SCFD2: variants seen among roughly 807,000 people sequenced by gnomAD.
The protein encoded by SCFD2 is sec1 family domain containing 2, also known as sec1 family domain-containing protein 2.
A neutral mutation model predicts 58.9 loss-of-function variants in SCFD2; 54 were observed. That is an observed-to-expected ratio of 0.92 (90% CI 0.74 to 1.15). The LOEUF is 1.15. Ranked by LOEUF, SCFD2 falls within the 50% of genes most tolerant of loss-of-function variation. The probability of loss-of-function intolerance (pLI) is 0.00; values close to 1 mark genes in which losing one functional copy is unlikely to be tolerated. For synonymous variants in SCFD2, 321 were observed against 335.9 expected, an observed-to-expected ratio of 0.96 and a Z score of 0.49; for missense variants, 805 against 836.6, an observed-to-expected ratio of 0.96 and a Z score of 0.47.
intron 5 of SCFD2, among the ~76,000 whole-genome samples, chr4:52,938,636 C>A (rs1230368980): frequency 6.6e-6 from 1 of 152,074 alleles, no homozygotes; most frequent in Non-Finnish European, 1.5e-5. Context: ...AACTCAAGTG[C>A]CCTATAGCTA....
intron 7 of SCFD2, among the ~76,000 whole-genome samples, chr4:52,886,394 C>T (rs944586229): frequency 1.3e-5 from 2 of 152,226 alleles, no homozygotes; most frequent in African/African-American, 4.8e-5. Flanking sequence ...CTTCTCCACG[C>T]TCCTCACTTT....
intron 5 of SCFD2, among the ~76,000 whole-genome samples, chr4:52,929,527 AG>A (rs1719941033): frequency 6.6e-6 from 1 of 152,174 alleles, no homozygotes; most frequent in Non-Finnish European, 1.5e-5. Flanking sequence ...CATGGTTGCA[AG>A]TGGCTGCCCA....
At chr4:53,309,302 C>T (rs951560636) in intron 3 of SCFD2, among the ~76,000 whole-genome samples, 2 of 152,106 alleles carry the variant, frequency 1.3e-5, no homozygotes, top group African/African-American at 4.8e-5. Context: ...CTTGTCTTTT[C>T]CCAAATGGTT....
chr4:53,094,846 A>G (rs1724572385), intron 5 of SCFD2, among the ~76,000 whole-genome samples: 1 of 151,826 alleles, frequency 6.6e-6, no homozygotes, highest in Admixed American at 6.6e-5. Flanking sequence ...ATTCTCTTAC[A>G]CTCATTCCAA....
chr4:53,015,875 C>G (rs757295289), intron 5 of SCFD2, among the ~76,000 whole-genome samples: 1 of 152,130 alleles, frequency 6.6e-6, no homozygotes, highest in Non-Finnish European at 1.5e-5. Context: ...GAGGGGCTTT[C>G]AAAGAACAAA....
In SCFD2 at chr4:52,976,339, A is replaced by G. The variant is rs547787171; in HGVS notation, c.1562-55469T>C. Among the ~76,000 whole-genome samples the G allele has an allele frequency of 5.3e-5, 8 of 152,268 alleles. No individual in the cohort carries two copies. In the South Asian group the frequency reaches 1.7e-3, roughly 32 times the overall value. On this transcript the variant is annotated intron_variant, in intron 5 of 8. Coordinates refer to ENST00000401642, the MANE Select transcript of SCFD2 (RefSeq NM_152540.4). ...GTGAAATGTTACTTTGATAAAGGGA[A>G]TTGTTAGGGGAGGCATTTCCCTTGT...
chr4:53,226,360 T>TATTAG (rs1185691638), intron 4 of SCFD2, among the ~76,000 whole-genome samples: 2 of 152,230 alleles, frequency 1.3e-5, no homozygotes, highest in East Asian at 3.9e-4. Context: ...CCAAAAAGAC[T>TATTAG]ACTAGAAAAT....
At chr4:53,197,049 A>C (rs1407096386) in intron 4 of SCFD2, among the ~76,000 whole-genome samples, 1 of 152,146 alleles carries the variant, frequency 6.6e-6, no homozygotes, top group African/African-American at 2.4e-5. Context: ...AATTCCTTGA[A>C]ACCAACACTA....
At chr4:53,043,395 T>A (rs1342319801) in intron 5 of SCFD2, among the ~76,000 whole-genome samples, 1 of 152,184 alleles carries the variant, frequency 6.6e-6, no homozygotes, top group Non-Finnish European at 1.5e-5. Context: ...AGACTTGACA[T>A]ATAAAAAATA....
intron 3 of SCFD2, among the ~76,000 whole-genome samples, chr4:53,278,808 A>C (rs1366711741): frequency 6.6e-6 from 1 of 151,900 alleles, no homozygotes; most frequent in African/African-American, 2.4e-5. Flanking sequence ...AAATCACGAC[A>C]GCAGATTTTT....
chr4:53,044,883 C>T (rs1288180007), intron 5 of SCFD2, among the ~76,000 whole-genome samples: 1 of 93,640 alleles, frequency 1.1e-5, no homozygotes, highest in Non-Finnish European at 1.9e-5. Context: ...AACTCCCCAC[C>T]CCAATTCCCA....
chr4:53,039,970 C>T (rs1322538668), intron 5 of SCFD2, among the ~76,000 whole-genome samples: 1 of 152,148 alleles, frequency 6.6e-6, no homozygotes, highest in African/African-American at 2.4e-5. Context: ...ACTTACACTC[C>T]TTCTGTCTTG....
At chr4:53,351,986 CAA>C (rs1734234160) in intron 2 of SCFD2, among the ~76,000 whole-genome samples, 1 of 152,008 alleles carries the variant, frequency 6.6e-6, no homozygotes, top group Admixed American at 6.5e-5. Context: ...TTTTTTCAAA[CAA>C]GAGTAATTCC....
intron 5 of SCFD2, among the ~76,000 whole-genome samples, chr4:53,132,218 TA>T (rs1292753934): frequency 6.6e-6 from 1 of 152,260 alleles, no homozygotes; most frequent in Non-Finnish European, 1.5e-5. Context: ...TTAAACATCT[TA>T]AACTTCACTG....
chr4:53,267,624 C>T (rs1301422999), intron 4 of SCFD2, among the ~76,000 whole-genome samples: 1 of 152,076 alleles, frequency 6.6e-6, no homozygotes, highest in Non-Finnish European at 1.5e-5. Context: ...TCTGTGTTGC[C>T]AGGCTGGAGC....
intron 1 of SCFD2, among the ~76,000 whole-genome samples, chr4:53,353,687 C>G (rs575220521): frequency 2.0e-5 from 3 of 152,032 alleles, no homozygotes; most frequent in Admixed American, 6.5e-5. Context: ...AATCCTTTAG[C>G]TAGACACGAA....
chr4:53,179,632 T>C (rs146522311), intron 4 of SCFD2, among the ~76,000 whole-genome samples: 4 of 152,076 alleles, frequency 2.6e-5, no homozygotes, highest in African/African-American at 7.2e-5. Context: ...AATGACAGGA[T>C]CAAATTCACA....
chr4:53,025,529 C>T (rs190894767), intron 5 of SCFD2, among the ~76,000 whole-genome samples: 40 of 77,388 alleles, frequency 5.2e-4, no homozygotes, highest in African/African-American at 1.7e-3. Flanking sequence ...ATCAGTTTAT[C>T]AAAGCACAAT....
rs1186371915 is a variant in SCFD2, at chr4:53,229,351, A to T, written c.1311+44475T>A. On this transcript the variant is annotated intron_variant, in intron 4 of 8. Coordinates refer to ENST00000401642, the MANE Select transcript of SCFD2 (RefSeq NM_152540.4). ...CGAAAGAACAAAGCTGGAGGCATCA[A>T]GCTACCTGACTTCAAACTATACTAC... Among the ~76,000 whole-genome samples the T allele has an allele frequency of 6.6e-5, 10 of 152,118 alleles. No homozygotes were observed. The South Asian group carries it at 1.7e-3, about 25-fold the overall frequency.
Sources: gnomAD v4.1 joint callset for allele counts (sites outside exome capture counted in the v4.1 genomes callset) on GRCh38, gnomAD v4.1.1 for gene constraint, MANE v1.5 for transcripts, NCBI Gene and HGNC (gene_info 2026-07-23, HGNC 2026-07-21) for gene names.